The following ACVR1B variants were observed in gnomAD, a reference collection of about 807,000 sequenced individuals.
ACVR1B encodes activin receptor type-1B.
In ACVR1B, 15 loss-of-function variants were observed where a neutral mutation model predicts 55.6. That is an observed-to-expected ratio of 0.27 (90% confidence interval 0.18 to 0.42). ACVR1B has a LOEUF of 0.42. Among genes scored for constraint, ACVR1B ranks in the 10% least tolerant of loss-of-function variants. The pLI, the probability that ACVR1B is intolerant of heterozygous loss-of-function variation, is 1.00. For missense variants in ACVR1B, 359 were observed against 670.1 expected (o/e 0.54, Z 5.13); for synonymous variants, 247 against 254.6 (o/e 0.97, Z 0.28).
At chr12:51,977,549 G>A (rs889568221) in intron 3 of ACVR1B, among the ~76,000 whole-genome samples, 1 of 150,384 alleles carries the variant, frequency 6.6e-6, no homozygotes, top group Admixed American at 6.6e-5. Context: ...CGCCTGCCTC[G>A]TAAAGAATTT....
chr12:51,968,087 C>G (rs1941675674), intron 1 of ACVR1B, among the ~76,000 whole-genome samples: 1 of 152,144 alleles, frequency 6.6e-6, no homozygotes, highest in Non-Finnish European at 1.5e-5. Context: ...ATACAAAAAA[C>G]TAGCCAGACG....
intron 1 of ACVR1B, among the ~76,000 whole-genome samples, chr12:51,971,870 T>C (rs1380945499): frequency 6.6e-6 from 1 of 152,170 alleles, no homozygotes; most frequent in Admixed American, 6.5e-5. Context: ...CAATCCCTTC[T>C]TTCTGGTTAA....
At chr12:51,990,924 C>A (rs1188196075) in intron 7 of ACVR1B, among the ~76,000 whole-genome samples, 1 of 152,192 alleles carries the variant, frequency 6.6e-6, no homozygotes, top group Admixed American at 6.5e-5. Context: ...CAGCTAGAAT[C>A]ATTTCTGGGG....
At chr12:51,961,441 T>A (rs1196563498) in intron 1 of ACVR1B, among the ~76,000 whole-genome samples, 1 of 152,244 alleles carries the variant, frequency 6.6e-6, no homozygotes, top group Non-Finnish European at 1.5e-5. Flanking sequence ...ATTTGTGAGT[T>A]ACTTGGAACA....
intron 5 of ACVR1B, 79 bp from the exon 6 acceptor site, chr12:51,985,113 A>G (rs978243061): frequency 8.9e-6 from 13 of 1,453,562 alleles, no homozygotes; most frequent in African/African-American, 1.4e-5. Flanking sequence ...ACTCAAACCT[A>G]TACAGTCTGG....
At chr12:51,966,855 G>C (rs1261982868) in intron 1 of ACVR1B, among the ~76,000 whole-genome samples, 17 of 152,138 alleles carry the variant, frequency 1.1e-4, no homozygotes, top group Admixed American at 1.1e-3. Context: ...AGTTATTTTA[G>C]GTATGATAAT....
At chr12:51,981,672 A>C (rs1941981877) in intron 4 of ACVR1B, among the ~76,000 whole-genome samples, 1 of 152,116 alleles carries the variant, frequency 6.6e-6, no homozygotes, top group African/African-American at 2.4e-5. Context: ...TCTCTACTAA[A>C]AATACAAAAA....
intron 6 of ACVR1B, 81 bp downstream of exon 6, chr12:51,985,429 G>C (rs1942057416): frequency 6.7e-7 from 1 of 1,483,600 alleles, no homozygotes; most frequent in African/African-American, 1.4e-5. Flanking sequence ...ATGCGCAGGA[G>C]AAGGAGGTGT....
At chr12:51,985,167 A>G (rs376833994) in intron 5 of ACVR1B, 25 bp from the exon 6 acceptor site, 1 of 1,594,968 alleles carries the variant, frequency 6.3e-7, no homozygotes. Flanking sequence ...CTCTTTGTAA[A>G]GATCCCTGTT....
At chr12:51,969,867 G>C (rs1040834813) in intron 1 of ACVR1B, among the ~76,000 whole-genome samples, 2 of 152,148 alleles carry the variant, frequency 1.3e-5, no homozygotes, top group African/African-American at 2.4e-5. Context: ...CTGCACTCCA[G>C]CCTGGGCAAC....
At chr12:51,957,697 G>C (rs1316942898) in intron 1 of ACVR1B, among the ~76,000 whole-genome samples, 1 of 152,116 alleles carries the variant, frequency 6.6e-6, no homozygotes, top group Non-Finnish European at 1.5e-5. Context: ...GAGCTACCAT[G>C]CCTGGCTTTG....
chr12:51,956,966 G>A (rs1362190141), intron 1 of ACVR1B, among the ~76,000 whole-genome samples: 1 of 151,960 alleles, frequency 6.6e-6, no homozygotes, highest in Non-Finnish European at 1.5e-5. Context: ...ACAGGGTTTC[G>A]ACATGTTGCC....
At chr12:51,991,605 T>C (rs1942192116) in intron 7 of ACVR1B, among the ~76,000 whole-genome samples, 1 of 152,218 alleles carries the variant, frequency 6.6e-6, no homozygotes, top group South Asian at 2.1e-4. Context: ...TTTTACCGTG[T>C]TGGCGGGGCT....
intron 4 of ACVR1B, among the ~76,000 whole-genome samples, chr12:51,983,363 A>G (rs1246641234): frequency 6.6e-6 from 1 of 152,214 alleles, no homozygotes; most frequent in Non-Finnish European, 1.5e-5. Context: ...CCTTTCTGGG[A>G]ATACTTGGAA....
rs11831802 is a variant in ACVR1B, at chr12:51,996,612, C to T, written c.*2502C>T. The T allele has an allele frequency of 0.018, 2,741 of 152,590 alleles. 27 individuals are homozygous for T. The highest frequency in any genetic ancestry group is 0.022 in the Non-Finnish European group (1,485 of 68,084). The allele number at this position is 152,590 out of a possible 1,614,324, so 9.5% of individuals were successfully genotyped here. On this transcript the variant is annotated 3_prime_UTR_variant, in exon 9 of 9. Transcript: ENST00000257963. ...CCTCTGGGATCTGCCAACACACGTC[C>T]ACTCCCAAGCCACTAGCCCACTCCC...
intron 4 of ACVR1B, among the ~76,000 whole-genome samples, chr12:51,983,609 C>A (rs184628342): frequency 6.6e-6 from 1 of 152,204 alleles, no homozygotes; most frequent in African/African-American, 2.4e-5. Flanking sequence ...GTGGTTCTCC[C>A]GTGCAGATGA....
At chr12:51,962,141 G>C (rs1202210212) in intron 1 of ACVR1B, among the ~76,000 whole-genome samples, 2 of 152,184 alleles carry the variant, frequency 1.3e-5, no homozygotes, top group Non-Finnish European at 2.9e-5. Flanking sequence ...TGTCAGAAAG[G>C]CAGTTTGTAG....
rs1038705564 is a variant in ACVR1B at position 51,980,876 on chromosome 12, G to A, written c.581-93G>A. 5.8e-6 allele frequency: 6 copies of A among 1,027,966 alleles called. No individual in the cohort carries two copies. The African/African-American group carries it at 6.4e-5, about 11-fold the overall frequency. 63.7% of individuals were successfully genotyped at this position (1,027,966 alleles called of 1,614,324 possible). A position where few individuals can be genotyped will look rare whatever the true frequency, so the allele number is the denominator to read the frequency against. On this transcript the variant is annotated intron_variant, in intron 3 of 8. Coordinates refer to ENST00000257963, the MANE Select transcript of ACVR1B (RefSeq NM_004302.5). ...GGACAGCGTAGGATGAAGACACCATGTTAAGGGTGTTTCCGTTGTGCCAAT... is the reference window on the plus strand; with the variant it reads ...GGACAGCGTAGGATGAAGACACCATATTAAGGGTGTTTCCGTTGTGCCAAT...
chr12:51,978,388 T>G (rs1045428366), intron 3 of ACVR1B, among the ~76,000 whole-genome samples: 2 of 152,194 alleles, frequency 1.3e-5, no homozygotes, highest in Non-Finnish European at 2.9e-5. Flanking sequence ...TATTCTTCAT[T>G]CAGAATATGC....
Sources: gnomAD v4.1 joint callset for allele counts (sites outside exome capture counted in the v4.1 genomes callset) on GRCh38, gnomAD v4.1.1 for gene constraint, MANE v1.5 for transcripts, NCBI Gene and HGNC (gene_info 2026-07-23, HGNC 2026-07-21) for gene names.